Variants in MACROD2 observed in about 807,000 individuals in gnomAD.
MACROD2 encodes ADP-ribose glycohydrolase MACROD2.
MACROD2 carries 36 observed loss-of-function variants against 70.4 expected under a neutral mutation model. That is an observed-to-expected ratio of 0.51 (90% CI 0.39 to 0.68). MACROD2 has a LOEUF of 0.68. Ranked by LOEUF, MACROD2 falls within the 30% of genes least tolerant of loss-of-function variation. The pLI, the probability that MACROD2 is intolerant of heterozygous loss-of-function variation, is 0.00. For synonymous variants in MACROD2, 172 were observed against 178.8 expected, an observed-to-expected ratio of 0.96 and a Z score of 0.30; for missense variants, 496 against 538.4, an observed-to-expected ratio of 0.92 and a Z score of 0.78.
At chr20:14,985,619 A>C (rs1032785619) in intron 5 of MACROD2, among the ~76,000 whole-genome samples, 1 of 151,892 alleles carries the variant, frequency 6.6e-6, no homozygotes, top group Admixed American at 6.6e-5. Flanking sequence ...AAGTGCTTCC[A>C]GCTAATGGAG....
intron 4 of MACROD2, among the ~76,000 whole-genome samples, chr20:14,520,040 A>T (rs1211968878): frequency 2.0e-5 from 3 of 152,126 alleles, no homozygotes; most frequent in Non-Finnish European, 4.4e-5. Context: ...AAAGAGGCAA[A>T]CAACAGACAC....
At chr20:15,642,641 C>T (rs564242065) in intron 8 of MACROD2, among the ~76,000 whole-genome samples, 6 of 144,402 alleles carry the variant, frequency 4.2e-5, no homozygotes, top group Admixed American at 1.4e-4. Context: ...CACACACACA[C>T]GTGTGCATGC....
At chr20:14,411,365 T>C (rs1267631225) in intron 3 of MACROD2, among the ~76,000 whole-genome samples, 1 of 152,100 alleles carries the variant, frequency 6.6e-6, no homozygotes, top group Non-Finnish European at 1.5e-5. Context: ...TCTGAATTCC[T>C]GCTCCCAGCT....
chr20:15,198,238 C>A (rs1421002210), intron 5 of MACROD2, among the ~76,000 whole-genome samples: 5 of 152,248 alleles, frequency 3.3e-5, no homozygotes, highest in African/African-American at 1.2e-4. Flanking sequence ...GAATTACAGG[C>A]ATGAGCCAAC....
intron 5 of MACROD2, chr20:14,758,090 T>A: frequency 5.0e-6 from 2 of 399,698 alleles, no homozygotes; most frequent in Non-Finnish European, 4.5e-6. Flanking sequence ...TGTATAAACA[T>A]CCAGCCAAAA....
chr20:14,693,130 G>A (rs1371663755), intron 5 of MACROD2, among the ~76,000 whole-genome samples: 1 of 152,160 alleles, frequency 6.6e-6, no homozygotes, highest in Non-Finnish European at 1.5e-5. Flanking sequence ...ATGGGCTCTT[G>A]AAGGCAATTC....
chr20:14,404,777 T>C (rs1175515968), intron 3 of MACROD2, among the ~76,000 whole-genome samples: 1 of 152,032 alleles, frequency 6.6e-6, no homozygotes, highest in African/African-American at 2.4e-5. Context: ...TTAAAGTTAA[T>C]ATTATTTTAG....
At chr20:14,896,528 A>T (rs1176052545) in intron 5 of MACROD2, among the ~76,000 whole-genome samples, 1 of 152,092 alleles carries the variant, frequency 6.6e-6, no homozygotes, top group Non-Finnish European at 1.5e-5. Context: ...GCAGGTCATG[A>T]ACTCAGACCT....
At chr20:15,041,904 C>G (rs981450921) in intron 5 of MACROD2, among the ~76,000 whole-genome samples, 1 of 152,002 alleles carries the variant, frequency 6.6e-6, no homozygotes, top group African/African-American at 2.4e-5. Context: ...GATTTTTAGG[C>G]CCATAGGCTG....
chr20:14,967,596 A>G (rs1042733625), intron 5 of MACROD2, among the ~76,000 whole-genome samples: 9 of 152,162 alleles, frequency 5.9e-5, no homozygotes, highest in Non-Finnish European at 7.4e-5. Flanking sequence ...TCAACTTTTG[A>G]TGAACAGAAA....
chr20:15,246,490 G>A (rs896030639), intron 6 of MACROD2, among the ~76,000 whole-genome samples: 3 of 152,156 alleles, frequency 2.0e-5, no homozygotes, highest in Non-Finnish European at 4.4e-5. Flanking sequence ...ATTAATTGCT[G>A]TGTAAGCCCA....
In MACROD2 at chr20:15,026,705, G is replaced by A. The variant is rs74543948; in HGVS notation, c.419-203235G>A. On this transcript the variant is annotated intron_variant, in intron 5 of 17. Coordinates refer to ENST00000684519, the MANE Select transcript of MACROD2 (RefSeq NM_001351661.2). ...TCTAAATACACCCAGGGAACTCTGCGGACTGCTGAAGGAGCTTTGGAGATA... is the reference window on the plus strand; with the variant it reads ...TCTAAATACACCCAGGGAACTCTGCAGACTGCTGAAGGAGCTTTGGAGATA... 6.4e-3 allele frequency among the ~76,000 whole-genome samples: 970 copies of A among 151,908 alleles called. 8 individuals are homozygous for A. The highest frequency in any genetic ancestry group is 0.011 in the Non-Finnish European group (757 of 67,962).
At chr20:15,191,939 G>GAT in intron 5 of MACROD2, among the ~76,000 whole-genome samples, 1 of 141,854 alleles carries the variant, frequency 7.0e-6, no homozygotes, top group South Asian at 2.3e-4. Flanking sequence ...TATAGAGAGA[G>GAT]AGAGAGTTAA....
chr20:15,734,811 A>G (rs1255188616), intron 8 of MACROD2, among the ~76,000 whole-genome samples: 1 of 152,200 alleles, frequency 6.6e-6, no homozygotes, highest in Non-Finnish European at 1.5e-5. Flanking sequence ...GATTCAATGA[A>G]ATACATTCAA....
Position 15,760,207 on chromosome 20 carries a change from T to G in MACROD2, c.646-102538T>G, listed in dbSNP as rs117833788. On this transcript the variant is annotated intron_variant, in intron 8 of 17. Transcript: ENST00000684519. Reference sequence around the variant, plus strand: ...GAGGAGTGTCTCGGCTTCACGAAAATGACCCAGAGCTGCTCGCTGAAGCTG... The same window carrying G: ...GAGGAGTGTCTCGGCTTCACGAAAAGGACCCAGAGCTGCTCGCTGAAGCTG... Among the ~76,000 whole-genome samples, 158 of 152,268 alleles carry G rather than the reference T, an allele frequency of 1.0e-3. 1 individual carries two copies. The East Asian group carries it at 0.018, about 17-fold the overall frequency.
At chr20:15,456,948 A>T (rs2046735516) in intron 7 of MACROD2, among the ~76,000 whole-genome samples, 1 of 151,956 alleles carries the variant, frequency 6.6e-6, no homozygotes, top group Non-Finnish European at 1.5e-5. Context: ...TTTTATGGGC[A>T]GTTGACCTCA....
At chr20:15,085,965 C>T (rs2075745845) in intron 5 of MACROD2, among the ~76,000 whole-genome samples, 1 of 151,292 alleles carries the variant, frequency 6.6e-6, no homozygotes, top group Non-Finnish European at 1.5e-5. Flanking sequence ...TCAGGCCACC[C>T]ATATCAACAC....
At chr20:16,038,838 G>A (rs2067270147) in intron 15 of MACROD2, among the ~76,000 whole-genome samples, 1 of 152,078 alleles carries the variant, frequency 6.6e-6, no homozygotes, top group South Asian at 2.1e-4. Flanking sequence ...TTCCTCCAGA[G>A]AAGATTTACT....
At chr20:14,322,189 T>TCA (rs2082668157) in intron 3 of MACROD2, among the ~76,000 whole-genome samples, 1 of 130,012 alleles carries the variant, frequency 7.7e-6, no homozygotes, top group South Asian at 2.3e-4. Context: ...TATATATATA[T>TCA]ATATATATAT....
Sources: gnomAD v4.1 joint callset for allele counts (sites outside exome capture counted in the v4.1 genomes callset) on GRCh38, gnomAD v4.1.1 for gene constraint, MANE v1.5 for transcripts, NCBI Gene and HGNC (gene_info 2026-07-23, HGNC 2026-07-21) for gene names.